The following ARID3B variants were observed in gnomAD, a reference collection of about 807,000 sequenced individuals.
ARID3B encodes AT-rich interaction domain 3B, also known as AT-rich interactive domain-containing protein 3B.
ARID3B carries 10 observed loss-of-function variants against 51.9 expected under a neutral mutation model. The ratio of observed to expected loss-of-function variants is 0.19; its 90% confidence interval spans 0.12 to 0.33. The LOEUF is 0.33. ARID3B is among the 10% of genes least tolerant of loss of function. ARID3B has a pLI of 1.00. For synonymous variants in ARID3B, 205 were observed against 279.5 expected, an observed-to-expected ratio of 0.73 and a Z score of 2.66; for missense variants, 483 against 716.3, an observed-to-expected ratio of 0.67 and a Z score of 3.72.
intron 4 of ARID3B, among the ~76,000 whole-genome samples, chr15:74,586,348 G>C (rs1336224424): frequency 6.6e-6 from 1 of 152,202 alleles, no homozygotes; most frequent in Non-Finnish European, 1.5e-5. Flanking sequence ...CTCAGGTTCT[G>C]TATCTGCCAT....
intron 8 of ARID3B, among the ~76,000 whole-genome samples, chr15:74,594,420 C>T (rs1014870521): frequency 1.3e-5 from 2 of 152,186 alleles, no homozygotes; most frequent in Admixed American, 6.5e-5. Context: ...TGCACTCCAG[C>T]CTGGGCGACA....
At chr15:74,555,329 T>C (rs1407751956) in intron 2 of ARID3B, among the ~76,000 whole-genome samples, 1 of 151,828 alleles carries the variant, frequency 6.6e-6, no homozygotes, top group Non-Finnish European at 1.5e-5. Flanking sequence ...TACGATTGAC[T>C]CTTTTTTTTT....
intron 2 of ARID3B, among the ~76,000 whole-genome samples, chr15:74,544,711 C>G (rs1197293405): frequency 8.2e-6 from 1 of 122,132 alleles, no homozygotes; most frequent in African/African-American, 3.2e-5. Flanking sequence ...TTTTTTTTGA[C>G]ATGGAGTCTC....
At chr15:74,586,803 T>A (rs2061783458) in intron 4 of ARID3B, among the ~76,000 whole-genome samples, 1 of 152,256 alleles carries the variant, frequency 6.6e-6, no homozygotes, top group African/African-American at 2.4e-5. Flanking sequence ...CCTCCTGGGA[T>A]ATCGGATGGA....
intron 2 of ARID3B, among the ~76,000 whole-genome samples, chr15:74,559,747 A>G (rs1325066034): frequency 6.6e-5 from 10 of 152,120 alleles, no homozygotes. Context: ...TGTCAAGGTA[A>G]TGCAGGCTCA....
chr15:74,558,046 C>A (rs1264122951), intron 2 of ARID3B, among the ~76,000 whole-genome samples: 1 of 152,012 alleles, frequency 6.6e-6, no homozygotes, highest in Non-Finnish European at 1.5e-5. Flanking sequence ...TGGTCTCGAT[C>A]TCCTGACCTC....
At chr15:74,560,717 A>G (rs376119833) in intron 2 of ARID3B, among the ~76,000 whole-genome samples, 6 of 152,154 alleles carry the variant, frequency 3.9e-5, no homozygotes, top group African/African-American at 1.4e-4. Context: ...GTTTCTGTGT[A>G]TTTACTGACT....
chr15:74,568,737 A>AC (rs1481485178), intron 2 of ARID3B, among the ~76,000 whole-genome samples: 1 of 152,094 alleles, frequency 6.6e-6, no homozygotes, highest in Admixed American at 6.6e-5. Context: ...GAGAGATCAA[A>AC]GATGTTAAAA....
intron 4 of ARID3B, among the ~76,000 whole-genome samples, chr15:74,584,823 G>A (rs1199633746): frequency 2.0e-5 from 3 of 152,166 alleles, no homozygotes; most frequent in Non-Finnish European, 2.9e-5. Flanking sequence ...AGCGCCCAGC[G>A]GCATTCCCAC....
At chr15:74,587,045 C>A (rs1260555651) in intron 4 of ARID3B, among the ~76,000 whole-genome samples, 3 of 152,070 alleles carry the variant, frequency 2.0e-5, no homozygotes, top group Admixed American at 6.6e-5. Flanking sequence ...CTTGGATATG[C>A]CAGGAATACT....
intron 4 of ARID3B, among the ~76,000 whole-genome samples, chr15:74,578,428 G>T (rs2061746607): frequency 6.6e-6 from 1 of 152,112 alleles, no homozygotes; most frequent in African/African-American, 2.4e-5. Flanking sequence ...GCCCGCGTCG[G>T]CCTCCTAAAG....
intron 2 of ARID3B, among the ~76,000 whole-genome samples, chr15:74,546,692 A>G (rs2061617026): frequency 6.6e-6 from 1 of 152,180 alleles, no homozygotes; most frequent in Non-Finnish European, 1.5e-5. Context: ...TTCACTAATT[A>G]TAGACTGCTT....
chr15:74,557,748 C>G (rs906397116), intron 2 of ARID3B, among the ~76,000 whole-genome samples: 2 of 148,638 alleles, frequency 1.3e-5, no homozygotes, highest in Non-Finnish European at 1.5e-5. Flanking sequence ...TCTCTTGTAG[C>G]TTTTAAGATT....
intron 2 of ARID3B, among the ~76,000 whole-genome samples, chr15:74,547,621 C>T (rs964669713): frequency 1.3e-5 from 2 of 152,180 alleles, no homozygotes; most frequent in African/African-American, 2.4e-5. Context: ...TCAGGTCTAG[C>T]GGTGGCAGTG....
intron 2 of ARID3B, among the ~76,000 whole-genome samples, chr15:74,550,033 T>G (rs2061630796): frequency 2.0e-5 from 3 of 152,248 alleles, no homozygotes; most frequent in South Asian, 4.1e-4. Context: ...CACCAGAGAC[T>G]CTTTTCCTTT....
intron 2 of ARID3B, among the ~76,000 whole-genome samples, chr15:74,548,217 C>CT (rs2061622899): frequency 1.3e-5 from 2 of 152,134 alleles, no homozygotes; most frequent in Non-Finnish European, 2.9e-5. Flanking sequence ...TGTTGCTGGC[C>CT]TTTTGGGGGT....
At chr15:74,592,214 G>A (rs1429224050) in intron 7 of ARID3B, among the ~76,000 whole-genome samples, 2 of 152,230 alleles carry the variant, frequency 1.3e-5, no homozygotes, top group South Asian at 2.1e-4. Context: ...GCTCAGCGAG[G>A]GGCCAAGTTG....
chr15:74,595,182 A>G (rs548589557), intron 8 of ARID3B, among the ~76,000 whole-genome samples: 1 of 152,200 alleles, frequency 6.6e-6, no homozygotes, highest in South Asian at 2.1e-4. Flanking sequence ...AGTAGCTGGG[A>G]CTACCCATGC....
intron 4 of ARID3B, among the ~76,000 whole-genome samples, chr15:74,580,782 A>G (rs1339962846): frequency 6.6e-6 from 1 of 152,142 alleles, no homozygotes; most frequent in Non-Finnish European, 1.5e-5. Context: ...CCCTTTGGAG[A>G]AGCAGGCAAA....
Sources: allele counts gnomAD v4.1 joint callset (sites outside exome capture counted in the v4.1 genomes callset), GRCh38; gene constraint gnomAD v4.1.1; transcripts MANE v1.5; gene names NCBI Gene and HGNC (gene_info 2026-07-23, HGNC 2026-07-21).